TNR: variants seen among roughly 807,000 people sequenced by gnomAD.
TNR encodes tenascin R.
A neutral mutation model predicts 150.4 loss-of-function variants in TNR; 45 were observed. The observed-to-expected ratio is 0.30, with a 90% CI of 0.24 to 0.38. TNR has a LOEUF of 0.38. Among genes scored for constraint, TNR ranks in the 10% least tolerant of loss-of-function variants. The pLI is 1.00. For missense variants in TNR, 1,544 were observed against 1,759.1 expected, an observed-to-expected ratio of 0.88 and a Z score of 2.19; for synonymous variants, 687 against 678.4, an observed-to-expected ratio of 1.01 and a Z score of -0.20.
intron 1 of TNR, among the ~76,000 whole-genome samples, chr1:175,559,993 C>T (rs1243673080): frequency 1.3e-5 from 2 of 152,216 alleles, no homozygotes; most frequent in African/African-American, 2.4e-5. Context: ...TTGTCCTGGG[C>T]AGACTACATC....
chr1:175,357,063 A>C (rs1185298086), intron 15 of TNR, among the ~76,000 whole-genome samples: 1 of 152,148 alleles, frequency 6.6e-6, no homozygotes, highest in Non-Finnish European at 1.5e-5. Flanking sequence ...CTAATCAAAG[A>C]TCTTCTTTGT....
intron 1 of TNR, among the ~76,000 whole-genome samples, chr1:175,710,476 G>A (rs1666980710): frequency 6.6e-6 from 1 of 152,156 alleles, no homozygotes; most frequent in South Asian, 2.1e-4. Context: ...ACATATTTGG[G>A]AGTTCTGGCC....
chr1:175,432,163 G>A (rs1050437292), intron 2 of TNR, among the ~76,000 whole-genome samples: 10 of 152,128 alleles, frequency 6.6e-5, no homozygotes, highest in African/African-American at 1.4e-4. Context: ...TCCCAGAGGC[G>A]GGTCTACAAG....
chr1:175,590,422 C>T (rs1440777342), intron 1 of TNR, among the ~76,000 whole-genome samples: 1 of 152,024 alleles, frequency 6.6e-6, no homozygotes, highest in Non-Finnish European at 1.5e-5. Flanking sequence ...CATTTTGTGT[C>T]CCCACCAAGT....
chr1:175,601,325 C>A (rs1346165645), intron 1 of TNR, among the ~76,000 whole-genome samples: 1 of 152,162 alleles, frequency 6.6e-6, no homozygotes. Flanking sequence ...TTGAGGTTGG[C>A]CATGGCCACT....
At chr1:175,576,980 A>C (rs1662142156) in intron 1 of TNR, among the ~76,000 whole-genome samples, 1 of 152,224 alleles carries the variant, frequency 6.6e-6, no homozygotes, top group Non-Finnish European at 1.5e-5. Context: ...AGACCCTGGT[A>C]ATTAGCCAAA....
At chr1:175,674,912 C>A (rs537472942) in intron 1 of TNR, among the ~76,000 whole-genome samples, 2 of 151,990 alleles carry the variant, frequency 1.3e-5, no homozygotes, top group Admixed American at 6.6e-5. Flanking sequence ...AGCTCTTACC[C>A]GCACAGCTAA....
intron 9 of TNR, among the ~76,000 whole-genome samples, chr1:175,370,294 T>C (rs1428806169): frequency 6.6e-6 from 1 of 151,050 alleles, no homozygotes; most frequent in Admixed American, 6.6e-5. Context: ...TAGTAGCTAG[T>C]ATTTTATTAC....
chr1:175,410,131 A>G (rs1654142917), intron 2 of TNR, among the ~76,000 whole-genome samples: 1 of 152,096 alleles, frequency 6.6e-6, no homozygotes, highest in African/African-American at 2.4e-5. Context: ...CTGAATAGAT[A>G]GTGAGGGAAC....
chr1:175,718,168 A>C (rs1412324150), intron 1 of TNR, among the ~76,000 whole-genome samples: 1 of 152,162 alleles, frequency 6.6e-6, no homozygotes, highest in African/African-American at 2.4e-5. Context: ...AATTTCGAGG[A>C]GACTGAGATC....
At chr1:175,325,876 G>A (rs536180435) in intron 21 of TNR, among the ~76,000 whole-genome samples, 1 of 152,140 alleles carries the variant, frequency 6.6e-6, no homozygotes, top group African/African-American at 2.4e-5. Context: ...TGTGGGGTGG[G>A]GGTAGGGGGG....
chr1:175,478,073 C>T (rs920156292), intron 2 of TNR, among the ~76,000 whole-genome samples: 3 of 152,186 alleles, frequency 2.0e-5, no homozygotes, highest in Non-Finnish European at 4.4e-5. Context: ...AAATATGCTG[C>T]AAATAGAGGG....
intron 2 of TNR, among the ~76,000 whole-genome samples, chr1:175,522,931 G>A (rs991093533): frequency 6.6e-6 from 1 of 152,198 alleles, no homozygotes; most frequent in Non-Finnish European, 1.5e-5. Flanking sequence ...TACGGGTCCT[G>A]CCTATGATCA....
rs115356558 is a variant in TNR, at chr1:175,535,156, G to A, written c.-164-6787C>T. On this transcript the variant is annotated intron_variant, in intron 1 of 22. Coordinates refer to ENST00000367674, the MANE Select transcript of TNR (RefSeq NM_003285.3). ...GGGCAGAAGCCCTTTTCCAGAAAGG[G>A]GGCTGCATGTAGTTTCTGGCCTATA... is the stretch of plus-strand genomic sequence containing the variant. 7.0e-3 allele frequency among the ~76,000 whole-genome samples: 1,059 copies of A among 152,254 alleles called. 8 individuals are homozygous for A. Among genetic ancestry groups the A allele is most frequent in the African/African-American group, 0.023 (950 of 41,536 alleles).
chr1:175,727,230 T>A (rs73037245), intron 1 of TNR, among the ~76,000 whole-genome samples: 7,825 of 152,310 alleles, frequency 0.051, 619 homozygotes, highest in African/African-American at 0.17. Context: ...ATCTATAAGA[T>A]CTTTGTTTAA....
Position 175,320,849 on chromosome 1 carries a change from T to G in TNR, c.*2508A>C, listed in dbSNP as rs139895923. 1.3e-5 allele frequency: 2 copies of G among 148,156 alleles called. No individual in the cohort carries two copies. The highest frequency in any genetic ancestry group is 4.3e-4 in the East Asian group (2 of 4,660). The allele number at this position is 148,156 out of a possible 1,614,324, so 9.2% of individuals were successfully genotyped here. Reference sequence around the variant, plus strand: ...CTCATTAAACAGGGAGTCTAGTGAATTTTCATTACCTAATTGTGCTGTCCC... The same window carrying G: ...CTCATTAAACAGGGAGTCTAGTGAAGTTTCATTACCTAATTGTGCTGTCCC... On this transcript the variant is annotated 3_prime_UTR_variant, in exon 23 of 23. Transcript: ENST00000367674.
rs1373660113 is a variant in TNR at position 175,637,896 on chromosome 1, G to T, written c.-165+105330C>A. Among the ~76,000 whole-genome samples the T allele has an allele frequency of 2.6e-5, 4 of 152,190 alleles. No individual in the cohort carries two copies. The East Asian group carries it at 7.7e-4, about 29-fold the overall frequency. ...CCATCAGTCACTGCTCCACAGTGAG[G>T]GAGATGCTGAATATAATGAGGGGGA... On this transcript the variant is annotated intron_variant, in intron 1 of 22. Transcript: ENST00000367674.
At chr1:175,643,483 G>A (rs940895950) in intron 1 of TNR, among the ~76,000 whole-genome samples, 2 of 152,196 alleles carry the variant, frequency 1.3e-5, no homozygotes, top group African/African-American at 4.8e-5. Flanking sequence ...GTCAATGTGA[G>A]AACCAGACAC....
At chr1:175,505,357 A>T (rs1349452778) in intron 2 of TNR, among the ~76,000 whole-genome samples, 2 of 152,220 alleles carry the variant, frequency 1.3e-5, no homozygotes. Context: ...AAGGCAGCTG[A>T]GAGATCCCTA....
Sources: allele counts gnomAD v4.1 joint callset (sites outside exome capture counted in the v4.1 genomes callset), GRCh38; gene constraint gnomAD v4.1.1; transcripts MANE v1.5; gene names NCBI Gene and HGNC (gene_info 2026-07-23, HGNC 2026-07-21).